The following GRIP1 variants were observed in gnomAD, a reference collection of about 807,000 sequenced individuals.
GRIP1 encodes the protein glutamate receptor interacting protein 1.
A neutral mutation model predicts 129.9 loss-of-function variants in GRIP1; 45 were observed. The ratio of observed to expected loss-of-function variants is 0.35; its 90% CI spans 0.27 to 0.44. GRIP1 has a LOEUF of 0.44. GRIP1 is among the 20% of genes least tolerant of loss of function. The pLI, the probability that GRIP1 is intolerant of heterozygous loss-of-function variation, is 1.00. For missense variants in GRIP1, 1,196 were observed against 1,396.8 expected (o/e 0.86, Z 2.29); for synonymous variants, 530 against 520.8 (o/e 1.02, Z -0.24).
chr12:66,732,493 C>T (rs1368468227), intron 1 of GRIP1, among the ~76,000 whole-genome samples: 1 of 151,790 alleles, frequency 6.6e-6, no homozygotes, highest in African/African-American at 2.4e-5. Flanking sequence ...GTTGAGGCTG[C>T]AGTGAGCTGT....
rs188602012 is a variant in GRIP1 at position 66,570,840 on chromosome 12, A to G, written c.136+26007T>C. 158 of 152,336 alleles carry G rather than the reference A, an allele frequency of 1.0e-3. 1 individual carries two copies. The highest frequency in any genetic ancestry group is 3.6e-3 in the African/African-American group (148 of 41,576). The allele number at this position is 152,336 out of a possible 1,614,324, so 9.4% of individuals were successfully genotyped here. A position where few individuals can be genotyped will look rare whatever the true frequency, so the allele number is the denominator to read the frequency against. ...ACAAAACCTAGATCTTCCTTTGATC[A>G]TACAATTTTATATCAAGACAGCACT... On this transcript the variant is annotated intron_variant, in intron 2 of 24. Transcript: ENST00000359742.
intron 1 of GRIP1, among the ~76,000 whole-genome samples, chr12:66,856,437 C>T (rs968811090): frequency 2.6e-5 from 4 of 152,144 alleles, no homozygotes; most frequent in African/African-American, 9.7e-5. Flanking sequence ...CAACAGCCAA[C>T]CTACAGAATG....
intron 5 of GRIP1, among the ~76,000 whole-genome samples, chr12:66,524,650 C>T (rs1204367976): frequency 1.3e-5 from 2 of 152,022 alleles, no homozygotes; most frequent in Non-Finnish European, 2.9e-5. Flanking sequence ...CATTCAAAAG[C>T]TAGCAGAAGG....
At chr12:66,816,651 T>C (rs552886675) in intron 1 of GRIP1, among the ~76,000 whole-genome samples, 85 of 152,316 alleles carry the variant, frequency 5.6e-4, no homozygotes, top group Middle Eastern at 3.4e-3. Flanking sequence ...AACTTGAGAC[T>C]ACCATTTTAA....
At chr12:67,029,396 G>T (rs142356128) in intron 1 of GRIP1, among the ~76,000 whole-genome samples, 2 of 152,040 alleles carry the variant, frequency 1.3e-5, no homozygotes, top group Non-Finnish European at 2.9e-5. Context: ...TTACAGGCGT[G>T]AGCCATTGTG....
chr12:66,897,774 C>T (rs2137256896), intron 1 of GRIP1, among the ~76,000 whole-genome samples: 1 of 152,292 alleles, frequency 6.6e-6, no homozygotes, highest in Middle Eastern at 3.4e-3. Flanking sequence ...GTATTTTTTA[C>T]TGTGATTTTG....
At chr12:66,411,926 T>C (rs914396278) in intron 15 of GRIP1, among the ~76,000 whole-genome samples, 2 of 151,794 alleles carry the variant, frequency 1.3e-5, no homozygotes, top group Non-Finnish European at 2.9e-5. Flanking sequence ...CAGACAAGAA[T>C]AGAGAAAAGA....
At chr12:66,649,280 T>C (rs2032611851) in intron 1 of GRIP1, among the ~76,000 whole-genome samples, 1 of 152,220 alleles carries the variant, frequency 6.6e-6, no homozygotes, top group African/African-American at 2.4e-5. Flanking sequence ...GGCAACCCAC[T>C]TCCTGAAGAA....
chr12:67,027,745 G>A (rs1245215037), intron 1 of GRIP1, among the ~76,000 whole-genome samples: 1 of 152,160 alleles, frequency 6.6e-6, no homozygotes, highest in Non-Finnish European at 1.5e-5. Flanking sequence ...AGGGCCAGTG[G>A]TGCACATAAG....
intron 1 of GRIP1, among the ~76,000 whole-genome samples, chr12:66,693,455 G>A (rs1284192362): frequency 6.6e-6 from 1 of 152,138 alleles, no homozygotes; most frequent in African/African-American, 2.4e-5. Context: ...GGTCACCCCA[G>A]TCCCCACTAG....
At chr12:66,602,778 C>A (rs1592631153) in intron 1 of GRIP1, among the ~76,000 whole-genome samples, 1 of 150,296 alleles carries the variant, frequency 6.7e-6, no homozygotes, top group Non-Finnish European at 1.5e-5. Context: ...CTTGACTCTG[C>A]AGGTTTCCTC....
intron 1 of GRIP1, among the ~76,000 whole-genome samples, chr12:67,064,762 A>C (rs2043593113): frequency 6.6e-6 from 1 of 151,980 alleles, no homozygotes; most frequent in South Asian, 2.1e-4. Context: ...TTTTTTTATT[A>C]TTATTATACT....
At chr12:66,893,012 A>G (rs2040687645) in intron 1 of GRIP1, among the ~76,000 whole-genome samples, 1 of 152,176 alleles carries the variant, frequency 6.6e-6, no homozygotes, top group South Asian at 2.1e-4. Context: ...AAATGGATGC[A>G]GAACTGTTCC....
chr12:66,737,716 A>AT lies in GRIP1; in HGVS notation c.-420+66336dup, dbSNP rs911824663. ...CATCACTTCACTGTATCTTGCACTC[A>AT]TTTTTTTTTACTCTTTTATTTTGCC... is the stretch of plus-strand genomic sequence containing the variant. On this transcript the variant is annotated intron_variant, in intron 1 of 4. Transcript: ENST00000538373. Among the ~76,000 whole-genome samples, 26 of 151,210 alleles carry AT rather than the reference A, an allele frequency of 1.7e-4. 1 individual carries two copies. The highest frequency in any genetic ancestry group is 5.8e-4 in the East Asian group (3 of 5,146).
intron 2 of GRIP1, among the ~76,000 whole-genome samples, chr12:66,559,262 T>C (rs1258504117): frequency 6.6e-6 from 1 of 152,136 alleles, no homozygotes; most frequent in Non-Finnish European, 1.5e-5. Context: ...GTGTTTTCTC[T>C]AAGATCTGGA....
At chr12:66,420,348 C>G (rs1050032209) in intron 15 of GRIP1, among the ~76,000 whole-genome samples, 1 of 150,806 alleles carries the variant, frequency 6.6e-6, no homozygotes, top group African/African-American at 2.4e-5. Context: ...ATTCTGGTAA[C>G]AGCAAAATTC....
At chr12:66,412,903 A>T (rs2137740456) in intron 15 of GRIP1, among the ~76,000 whole-genome samples, 1 of 152,274 alleles carries the variant, frequency 6.6e-6, no homozygotes, top group Admixed American at 6.5e-5. Context: ...CAACAAGAAG[A>T]GCTAAGTATC....
At chr12:66,369,885 C>T (rs2055388852) in intron 23 of GRIP1, among the ~76,000 whole-genome samples, 1 of 152,214 alleles carries the variant, frequency 6.6e-6, no homozygotes, top group African/African-American at 2.4e-5. Context: ...ACTTACCCAT[C>T]AGACACATCT....
At chr12:66,783,044 C>CTT (rs373211810) in intron 1 of GRIP1, among the ~76,000 whole-genome samples, 1 of 145,856 alleles carries the variant, frequency 6.9e-6, no homozygotes, top group Non-Finnish European at 1.5e-5. Context: ...AGTAAAGGTA[C>CTT]TTTTTTTTTT....
Sources: gnomAD v4.1 joint callset for allele counts (sites outside exome capture counted in the v4.1 genomes callset) on GRCh38, gnomAD v4.1.1 for gene constraint, MANE v1.5 for transcripts, NCBI Gene and HGNC (gene_info 2026-07-23, HGNC 2026-07-21) for gene names.